PRKN: variants seen among roughly 807,000 people sequenced by gnomAD.
PRKN encodes E3 ubiquitin-protein ligase parkin.
A neutral mutation model predicts 59.5 loss-of-function variants in PRKN; 56 were observed. The ratio of observed to expected loss-of-function variants is 0.94; its 90% CI spans 0.76 to 1.18. The LOEUF is 1.18. PRKN is among the 50% of genes most tolerant of loss of function. PRKN has a pLI of 0.00. For synonymous variants in PRKN, 250 were observed against 222.1 expected, an observed-to-expected ratio of 1.13 and a Z score of -1.12; for missense variants, 657 against 596.4, an observed-to-expected ratio of 1.10 and a Z score of -1.06.
chr6:162,390,151 T>C (rs1434376180), intron 2 of PRKN, among the ~76,000 whole-genome samples: 4 of 152,164 alleles, frequency 2.6e-5, no homozygotes, highest in East Asian at 1.9e-4. Context: ...CATGAGATCC[T>C]ACATAACGTG....
intron 1 of PRKN, among the ~76,000 whole-genome samples, chr6:162,569,885 C>A (rs1355303966): frequency 6.6e-6 from 1 of 152,164 alleles, no homozygotes; most frequent in Non-Finnish European, 1.5e-5. Flanking sequence ...GCCTGGGGAC[C>A]ACCTTGCCCA....
chr6:162,046,246 C>T (rs565441934), intron 5 of PRKN, among the ~76,000 whole-genome samples: 6 of 152,180 alleles, frequency 3.9e-5, no homozygotes, highest in Admixed American at 2.0e-4. Flanking sequence ...AGGCAAAAAA[C>T]GAAGTAAGAC....
intron 1 of PRKN, among the ~76,000 whole-genome samples, chr6:162,566,445 G>A (rs997467858): frequency 2.0e-5 from 3 of 151,758 alleles, no homozygotes; most frequent in East Asian, 1.9e-4. Flanking sequence ...AATGAAAAAC[G>A]AAACATTGCA....
chr6:161,931,028 G>T (rs1279792376), intron 6 of PRKN, among the ~76,000 whole-genome samples: 2 of 152,224 alleles, frequency 1.3e-5, no homozygotes, highest in Non-Finnish European at 2.9e-5. Context: ...TAATATACAT[G>T]TGTTATTTTT....
At chr6:162,470,972 A>G (rs55731347) in intron 1 of PRKN, among the ~76,000 whole-genome samples, 51,129 of 151,414 alleles carry the variant, frequency 0.34, 8,819 homozygotes, top group East Asian at 0.47. Flanking sequence ...TGTTGGCCAG[A>G]ATGGTCTCAA....
At position 161,386,852 on chromosome 6, in the gene PRKN, T is replaced by G. The variant is rs1786276974; in HGVS notation, c.1109A>C (p.Glu370Ala). 1 of 1,614,018 alleles carries G rather than the reference T, an allele frequency of 6.2e-7. No individual in the cohort carries two copies. The highest frequency in any genetic ancestry group is 8.5e-7 in the Non-Finnish European group (1 of 1,179,990). Reference sequence around the variant, plus strand: ...ACTGCACTCCCCTTCATGGTACGCTTCTTTACATTCCCGGCAGAAGGCAAA... The same window carrying G: ...ACTGCACTCCCCTTCATGGTACGCTGCTTTACATTCCCGGCAGAAGGCAAA... The part of the protein sequence containing the change: ...CGFAFCRECK[E>A]AYHEGECSAV... The change falls in exon 10 of 12, where the codon GAA (glutamate) becomes GCA (alanine). Residue 370 changes from glutamate to alanine, a missense_variant. By Grantham distance (107) the Glu-to-Ala change is moderately radical (BLOSUM62 -1). Coordinates refer to ENST00000366898, the MANE Select transcript of PRKN (RefSeq NM_004562.3). The surrounding 1 kb of genome is among the most constrained non-coding windows in gnomAD (Gnocchi z 4.3).
At chr6:162,422,368 G>GC (rs1197960798) in intron 2 of PRKN, among the ~76,000 whole-genome samples, 1 of 152,158 alleles carries the variant, frequency 6.6e-6, no homozygotes, top group African/African-American at 2.4e-5. Context: ...AGCCAGTGAT[G>GC]CATCATTGAT....
rs1780884100 is a variant in PRKN, at chr6:161,571,403, A to C, written c.872-1987T>G. ...TATGGAGCCATTTCTCATATTCCTC[A>C]GCATTGTGATGTGAGAGTGGTCAGA... On this transcript the variant is annotated intron_variant, in intron 7 of 11. Transcript: ENST00000366898. Among the ~76,000 whole-genome samples the C allele has an allele frequency of 2.0e-5, 3 of 152,220 alleles. No individual in the cohort carries two copies. In the South Asian group the frequency reaches 6.2e-4, roughly 31 times the overall value.
chr6:162,433,182 T>G (rs539550214), intron 2 of PRKN, among the ~76,000 whole-genome samples: 1 of 152,310 alleles, frequency 6.6e-6, no homozygotes, highest in East Asian at 1.9e-4. Flanking sequence ...ATGTTAAAAT[T>G]TGCTTATGTG....
At chr6:161,531,331 A>C (rs1349263065) in intron 9 of PRKN, among the ~76,000 whole-genome samples, 1 of 151,470 alleles carries the variant, frequency 6.6e-6, no homozygotes, top group Admixed American at 6.6e-5. Flanking sequence ...CAGTGAGCCG[A>C]GATCATGCCA....
intron 2 of PRKN, chr6:162,266,457 T>C (rs1224241831): frequency 1.3e-5 from 2 of 151,956 alleles, no homozygotes; most frequent in African/African-American, 4.8e-5. Context: ...TAGAAACATA[T>C]CTATGAATTC....
intron 9 of PRKN, among the ~76,000 whole-genome samples, chr6:161,489,123 C>A (rs1777451496): frequency 6.6e-6 from 1 of 152,158 alleles, no homozygotes; most frequent in South Asian, 2.1e-4. Flanking sequence ...ACATAATTCA[C>A]TCTCCTTCTT....
chr6:162,093,798 C>T (rs1443524987), intron 4 of PRKN, among the ~76,000 whole-genome samples: 1 of 152,166 alleles, frequency 6.6e-6, no homozygotes, highest in Non-Finnish European at 1.5e-5. Context: ...TGCTTCTCAG[C>T]AGCTAGGGGT....
At chr6:161,746,313 C>G (rs1178522224) in intron 7 of PRKN, among the ~76,000 whole-genome samples, 1 of 151,842 alleles carries the variant, frequency 6.6e-6, no homozygotes, top group Non-Finnish European at 1.5e-5. Context: ...GTAAGACTTC[C>G]CAGAGACCCA....
chr6:162,415,854 T>C (rs1788604714), intron 2 of PRKN, among the ~76,000 whole-genome samples: 1 of 152,156 alleles, frequency 6.6e-6, no homozygotes. Flanking sequence ...TAAAGAAATG[T>C]ATTTTTAGAA....
At chr6:162,172,915 G>C (rs982789170) in intron 4 of PRKN, among the ~76,000 whole-genome samples, 2 of 152,140 alleles carry the variant, frequency 1.3e-5, no homozygotes, top group African/African-American at 4.8e-5. Flanking sequence ...GAGGAAGAAG[G>C]GGGGCGTGTG....
intron 4 of PRKN, among the ~76,000 whole-genome samples, chr6:162,124,920 T>C (rs1260062137): frequency 6.6e-6 from 1 of 152,132 alleles, no homozygotes; most frequent in African/African-American, 2.4e-5. Context: ...AGGAATGAAA[T>C]CCCTCAGTCA....
At chr6:162,028,704 G>A (rs1418855650) in intron 5 of PRKN, among the ~76,000 whole-genome samples, 5 of 152,206 alleles carry the variant, frequency 3.3e-5, no homozygotes, top group African/African-American at 4.8e-5. Context: ...GCATGTCTGG[G>A]CACCCACAGG....
intron 4 of PRKN, among the ~76,000 whole-genome samples, chr6:162,127,743 G>T (rs1027720870): frequency 6.6e-6 from 1 of 152,088 alleles, no homozygotes; most frequent in Non-Finnish European, 1.5e-5. Context: ...ACATAAAAAG[G>T]CAAATTAAAA....
Sources: gnomAD v4.1 joint callset for allele counts (sites outside exome capture counted in the v4.1 genomes callset) on GRCh38, gnomAD v4.1.1 for gene constraint, Gnocchi (gnomAD v3.1) non-coding constraint, MANE v1.5 for transcripts, NCBI Gene and HGNC (gene_info 2026-07-23, HGNC 2026-07-21) for gene names.